ZNF804B: variants seen among roughly 807,000 people sequenced by gnomAD.
ZNF804B encodes the protein zinc finger 804B.
A neutral mutation model predicts 101.4 loss-of-function variants in ZNF804B; 80 were observed. The ratio of observed to expected loss-of-function variants is 0.79; its 90% confidence interval spans 0.66 to 0.95. The LOEUF (loss-of-function observed/expected upper bound fraction) is 0.95. ZNF804B is among the 40% of genes least tolerant of loss of function. ZNF804B has a pLI of 0.00. For missense variants in ZNF804B, 1,673 were observed against 1,561.9 expected (o/e 1.07, Z -1.20); for synonymous variants, 622 against 558.8 (o/e 1.11, Z -1.59).
intron 2 of ZNF804B, among the ~76,000 whole-genome samples, chr7:89,267,139 T>G (rs1269708229): frequency 6.6e-6 from 1 of 152,132 alleles, no homozygotes; most frequent in Non-Finnish European, 1.5e-5. Flanking sequence ...TCCTTTTCAT[T>G]TGTTGATATT....
chr7:88,927,589 C>T (rs1013910335), intron 1 of ZNF804B, among the ~76,000 whole-genome samples: 2 of 152,098 alleles, frequency 1.3e-5, no homozygotes, highest in Non-Finnish European at 2.9e-5. Context: ...TCATAGGACT[C>T]AAGTTCATTG....
In ZNF804B at chr7:88,782,102, CG is replaced by C. The variant is rs1790237548; in HGVS notation, c.108+22019del. Among the ~76,000 whole-genome samples the C allele has an allele frequency of 6.3e-5, 9 of 142,090 alleles. No individual in the cohort carries two copies. The East Asian group carries it at 1.4e-3, about 22-fold the overall frequency. 93.2% of individuals were successfully genotyped at this position (142,090 alleles called of 152,430 possible). A position where few individuals can be genotyped will look rare whatever the true frequency, so the allele number is the denominator to read the frequency against. ...GACTATCCCAGCTTTTGTGTGAGTGCGTGTGTGTGTGTGTGTGTGTGTGTGT... is the reference window on the plus strand; with the variant it reads ...GACTATCCCAGCTTTTGTGTGAGTGCTGTGTGTGTGTGTGTGTGTGTGTGT... On this transcript the variant is annotated intron_variant, in intron 1 of 3. Coordinates refer to ENST00000333190, the MANE Select transcript of ZNF804B (RefSeq NM_181646.5).
chr7:88,794,171 C>T, intron 1 of ZNF804B: 1 of 1,584,812 alleles, frequency 6.3e-7, no homozygotes, highest in Non-Finnish European at 8.6e-7. Context: ...GCACATTATC[C>T]CTCTCAATCC....
At chr7:88,771,574 G>A (rs1790064051) in intron 1 of ZNF804B, among the ~76,000 whole-genome samples, 1 of 151,960 alleles carries the variant, frequency 6.6e-6, no homozygotes. Context: ...ACTGCACAAC[G>A]TCTCTGTTGC....
intron 1 of ZNF804B, among the ~76,000 whole-genome samples, chr7:88,806,920 A>G (rs992287203): frequency 4.6e-5 from 7 of 152,212 alleles, no homozygotes; most frequent in African/African-American, 1.7e-4. Context: ...TTATAAGGTC[A>G]TTCTCCAAGA....
At chr7:89,246,439 A>G (rs1789448542) in intron 2 of ZNF804B, among the ~76,000 whole-genome samples, 1 of 151,816 alleles carries the variant, frequency 6.6e-6, no homozygotes, top group Non-Finnish European at 1.5e-5. Flanking sequence ...CTCACACTTC[A>G]TGGACATAGA....
chr7:89,272,740 T>C (rs1238722891), intron 2 of ZNF804B, among the ~76,000 whole-genome samples: 1 of 152,092 alleles, frequency 6.6e-6, no homozygotes, highest in Non-Finnish European at 1.5e-5. Context: ...TTTTTCCCTC[T>C]TATAGATTTA....
At chr7:88,862,282 C>T (rs982212388) in intron 1 of ZNF804B, among the ~76,000 whole-genome samples, 9 of 152,128 alleles carry the variant, frequency 5.9e-5, no homozygotes, top group African/African-American at 1.4e-4. Context: ...TTTCAAGGCA[C>T]CATGTCTGAC....
intron 1 of ZNF804B, among the ~76,000 whole-genome samples, chr7:88,777,994 T>G (rs1005822836): frequency 6.6e-6 from 1 of 152,180 alleles, no homozygotes; most frequent in African/African-American, 2.4e-5. Context: ...TCACACCTCA[T>G]GTATTAGTTT....
intron 1 of ZNF804B, among the ~76,000 whole-genome samples, chr7:89,119,918 C>T (rs1272951843): frequency 1.3e-5 from 2 of 151,972 alleles, no homozygotes; most frequent in Admixed American, 6.6e-5. Flanking sequence ...GGTTTATTCC[C>T]AAGTGGGTTG....
chr7:89,321,659 CAAGTATACAGATGGTATTTT>C (rs1320315918), intron 2 of ZNF804B, among the ~76,000 whole-genome samples: 7 of 151,374 alleles, frequency 4.6e-5, no homozygotes, highest in African/African-American at 9.7e-5. Flanking sequence ...GCAGATTCAC[CAAGTATACAGATGGTATTTT>C]AAGTATACAG....
chr7:88,832,665 C>T (rs1190058229), intron 1 of ZNF804B, among the ~76,000 whole-genome samples: 1 of 151,260 alleles, frequency 6.6e-6, no homozygotes, highest in African/African-American at 2.4e-5. Context: ...TATGGCATTT[C>T]CTGAATCAGA....
intron 1 of ZNF804B, among the ~76,000 whole-genome samples, chr7:88,937,148 C>A (rs909402832): frequency 2.5e-4 from 38 of 149,108 alleles, no homozygotes; most frequent in African/African-American, 9.4e-4. Flanking sequence ...TATTGCTCTC[C>A]ACATAACTGA....
intron 1 of ZNF804B, among the ~76,000 whole-genome samples, chr7:89,074,046 G>C (rs988681810): frequency 1.3e-5 from 2 of 152,124 alleles, no homozygotes; most frequent in East Asian, 3.9e-4. Flanking sequence ...GGAATATTGA[G>C]GGAAGTAAAG....
chr7:89,094,029 A>T (rs1789934594), intron 1 of ZNF804B, among the ~76,000 whole-genome samples: 1 of 152,230 alleles, frequency 6.6e-6, no homozygotes, highest in South Asian at 2.1e-4. Context: ...TTAGGCAATA[A>T]TTCCATATAC....
At chr7:89,315,529 A>G (rs1422395612) in intron 2 of ZNF804B, among the ~76,000 whole-genome samples, 1 of 152,160 alleles carries the variant, frequency 6.6e-6, no homozygotes, top group East Asian at 1.9e-4. Flanking sequence ...AGAGAAGATA[A>G]TAATTAAATA....
At chr7:88,812,827 C>T (rs1790811373) in intron 1 of ZNF804B, among the ~76,000 whole-genome samples, 1 of 151,750 alleles carries the variant, frequency 6.6e-6, no homozygotes, top group African/African-American at 2.4e-5. Context: ...TGTTTGAGTC[C>T]ACATATATGA....
intron 1 of ZNF804B, among the ~76,000 whole-genome samples, chr7:89,146,784 G>A (rs1302340951): frequency 1.3e-5 from 2 of 151,884 alleles, no homozygotes; most frequent in East Asian, 3.9e-4. Context: ...TGAGTACTTC[G>A]GGAGGCTGAG....
chr7:89,197,389 A>C (rs1788572337), intron 1 of ZNF804B, among the ~76,000 whole-genome samples: 1 of 151,968 alleles, frequency 6.6e-6, no homozygotes, highest in Admixed American at 6.6e-5. Context: ...GCAGATGCAA[A>C]ATATGTGAAA....
Sources: allele counts gnomAD v4.1 joint callset (sites outside exome capture counted in the v4.1 genomes callset), GRCh38; gene constraint gnomAD v4.1.1; transcripts MANE v1.5; gene names NCBI Gene and HGNC (gene_info 2026-07-23, HGNC 2026-07-21).